Variants in ARPC2 observed in about 807,000 individuals in gnomAD.
ARPC2 encodes the protein actin-related protein 2/3 complex subunit 2.
In ARPC2, 4 loss-of-function variants were observed where a neutral mutation model predicts 38.6. The observed-to-expected ratio is 0.10, with a 90% confidence interval of 0.05 to 0.24. ARPC2 has a LOEUF of 0.24. Among genes scored for constraint, ARPC2 ranks in the 10% least tolerant of loss-of-function variants. ARPC2 has a pLI of 1.00. For synonymous variants in ARPC2, 125 were observed against 140.8 expected, an observed-to-expected ratio of 0.89 and a Z score of 0.79; for missense variants, 229 against 387.3, an observed-to-expected ratio of 0.59 and a Z score of 3.43.
At chr2:218,235,643 A>G (rs1689751823) in intron 5 of ARPC2, 2 of 152,230 alleles carry the variant, frequency 1.3e-5, no homozygotes, top group Non-Finnish European at 2.9e-5. Context: ...AATCATGTCC[A>G]AAGTCTTGGG....
chr2:218,241,922 G>T (rs1029091330), intron 7 of ARPC2, among the ~76,000 whole-genome samples: 1 of 152,176 alleles, frequency 6.6e-6, no homozygotes, highest in East Asian at 1.9e-4. Flanking sequence ...ACTTTTGCTG[G>T]ATTTTCCCAA....
chr2:218,250,073 A>G (rs985397854), intron 10 of ARPC2, 152 bp downstream of exon 10: 2 of 640,346 alleles, frequency 3.1e-6, no homozygotes, highest in African/African-American at 1.8e-5. Context: ...GTGGGATTCC[A>G]TGTTCTCACT....
Position 218,228,814 on chromosome 2 carries a change from A to G in ARPC2, c.186A>G (p.Lys62=). 3 of 1,609,608 alleles carry G rather than the reference A, an allele frequency of 1.9e-6. No individual in the cohort carries two copies. Among genetic ancestry groups the G allele is most frequent in the Non-Finnish European group, 2.6e-6 (3 of 1,175,932 alleles). The change falls in exon 4 of 11, where the codon AAA becomes AAG. Residue 62 remains lysine (K), a synonymous_variant. Transcript: ENST00000315717. ...AAGTGATGGTCAGTATTTCTTTGAAATTCTACAAGGAACTTCAGGCACATG... is the reference window on the plus strand; with the variant it reads ...AAGTGATGGTCAGTATTTCTTTGAAGTTCTACAAGGAACTTCAGGCACATG... ...KTKVMVSISL[K]FYKELQAHGA...
intron 2 of ARPC2, among the ~76,000 whole-genome samples, chr2:218,223,951 CTCA>C (rs1689438945): frequency 6.6e-6 from 1 of 152,180 alleles, no homozygotes; most frequent in Admixed American, 6.5e-5. Context: ...GCTCAGCAAA[CTCA>C]TCGTTAAGGC....
Position 218,254,055 on chromosome 2 carries a change from A to G in ARPC2, c.*140A>G. The G allele has an allele frequency of 1.9e-6, 2 of 1,061,836 alleles. No individual in the cohort carries two copies. 65.8% of individuals were successfully genotyped at this position (1,061,836 alleles called of 1,614,324 possible). ...GGTTCCATTTTGTACACGTTTGGAA[A>G]ATAATCTGCAGAAACGAGCTGTGCT... On this transcript the variant is annotated 3_prime_UTR_variant, in exon 11 of 11. Coordinates refer to ENST00000315717, the MANE Select transcript of ARPC2 (RefSeq NM_152862.3).
intron 2 of ARPC2, among the ~76,000 whole-genome samples, chr2:218,224,508 GT>G (rs1192607461): frequency 6.6e-6 from 1 of 152,078 alleles, no homozygotes. Context: ...CTTTGCTCTT[GT>G]TTTCTAGAGG....
rs537022175 is a variant in ARPC2 at position 218,219,249 on chromosome 2, C to T, written c.74+1705C>T. On this transcript the variant is annotated intron_variant, in intron 2 of 10. Transcript: ENST00000315717. ...AAATGTGGCCCATTATTCGGAACTT[C>T]AGTTCTTTCTTTTTCTTTTAGAAAA... Among the ~76,000 whole-genome samples the T allele has an allele frequency of 5.1e-4, 77 of 152,260 alleles. 2 individuals are homozygous for T. The South Asian group carries it at 0.015, about 30-fold the overall frequency.
At chr2:218,236,392 ATAT>A (rs780096975) in intron 5 of ARPC2, 39 of 152,146 alleles carry the variant, frequency 2.6e-4, no homozygotes, top group Admixed American at 1.8e-3. Context: ...ATGATGATTG[ATAT>A]TATTTAATAC....
intron 2 of ARPC2, among the ~76,000 whole-genome samples, chr2:218,225,145 T>C (rs1689468161): frequency 6.6e-6 from 1 of 152,226 alleles, no homozygotes; most frequent in African/African-American, 2.4e-5. Flanking sequence ...AGGTTCATTT[T>C]TATTCCCCCA....
At chr2:218,249,141 T>C (rs561531573) in intron 8 of ARPC2, among the ~76,000 whole-genome samples, 291 of 152,340 alleles carry the variant, frequency 1.9e-3, no homozygotes, top group African/African-American at 6.8e-3. Flanking sequence ...GGTCAAGCCC[T>C]GTTTTTCATC....
chr2:218,239,335 T>C lies in ARPC2; in HGVS notation c.456-56T>C, dbSNP rs187629837. The C allele has an allele frequency of 1.8e-3, 2,275 of 1,285,602 alleles. 16 individuals are homozygous for C. The highest frequency in any genetic ancestry group is 9.7e-3 in the Middle Eastern group (53 of 5,462). 79.6% of individuals were successfully genotyped at this position (1,285,602 alleles called of 1,614,324 possible). ...TCTGATGTACTTGTAGATCAAGTTA[T>C]TGACAAAACCCCATTCTGATTCTGT... On this transcript the variant is annotated intron_variant, in intron 6 of 10. Coordinates refer to ENST00000315717, the MANE Select transcript of ARPC2 (RefSeq NM_152862.3).
chr2:218,246,560 G>A (rs1690037261), intron 8 of ARPC2, among the ~76,000 whole-genome samples: 1 of 152,028 alleles, frequency 6.6e-6, no homozygotes, highest in Non-Finnish European at 1.5e-5. Flanking sequence ...TAAAGGATAG[G>A]CGGGGCACAG....
At chr2:218,245,155 G>A (rs777111987) in intron 7 of ARPC2, among the ~76,000 whole-genome samples, 12 of 152,186 alleles carry the variant, frequency 7.9e-5, no homozygotes, top group Admixed American at 3.3e-4. Context: ...CTATGTTAGT[G>A]CAAAGGAAAA....
intron 7 of ARPC2, 59 bp from the exon 8 acceptor site, chr2:218,245,361 G>C: frequency 6.2e-7 from 1 of 1,609,522 alleles, no homozygotes; most frequent in Non-Finnish European, 8.5e-7. Flanking sequence ...CCTATAGCTT[G>C]AGTTGCCACT....
At chr2:218,244,089 A>T (rs528965312) in intron 7 of ARPC2, among the ~76,000 whole-genome samples, 10 of 152,380 alleles carry the variant, frequency 6.6e-5, no homozygotes, top group Non-Finnish European at 1.3e-4. Flanking sequence ...GGGCGATTTT[A>T]GAAGCTTTGC....
intron 8 of ARPC2, among the ~76,000 whole-genome samples, chr2:218,247,058 G>C (rs1220657989): frequency 6.6e-6 from 1 of 152,118 alleles, no homozygotes; most frequent in Admixed American, 6.5e-5. Flanking sequence ...CCAGGAGGTA[G>C]AGGCTGCAGT....
intron 5 of ARPC2, among the ~76,000 whole-genome samples, chr2:218,238,459 G>A (rs1045753640): frequency 1.3e-5 from 2 of 152,040 alleles, no homozygotes; most frequent in Admixed American, 6.6e-5. Flanking sequence ...TGCCCTGTGA[G>A]ATAGATGGAA....
At chr2:218,237,245 G>A (rs1689795670) in intron 5 of ARPC2, among the ~76,000 whole-genome samples, 1 of 151,848 alleles carries the variant, frequency 6.6e-6, no homozygotes, top group South Asian at 2.1e-4. Flanking sequence ...TGTTGCTCAG[G>A]CTGGAGTGCC....
intron 5 of ARPC2, chr2:218,234,981 C>T: frequency 2.5e-6 from 1 of 396,124 alleles, no homozygotes; most frequent in South Asian, 1.8e-5. Flanking sequence ...GCCTTTTTAC[C>T]CTGTGATTCA....
Sources: allele counts gnomAD v4.1 joint callset (sites outside exome capture counted in the v4.1 genomes callset), GRCh38; gene constraint gnomAD v4.1.1; transcripts MANE v1.5; gene names NCBI Gene and HGNC (gene_info 2026-07-23, HGNC 2026-07-21).